The following XKR4 variants were observed in gnomAD, a reference collection of about 807,000 sequenced individuals.
XKR4 encodes the protein XK-related protein 4.
A neutral mutation model predicts 53.9 loss-of-function variants in XKR4; 12 were observed. The observed-to-expected ratio is 0.22, with a 90% CI of 0.14 to 0.36. The LOEUF (loss-of-function observed/expected upper bound fraction) is 0.36. Among genes scored for constraint, XKR4 ranks in the 10% least tolerant of loss-of-function variants. The pLI is 1.00. For synonymous variants in XKR4, 354 were observed against 362.4 expected, an observed-to-expected ratio of 0.98 and a Z score of 0.26; for missense variants, 799 against 859.5, an observed-to-expected ratio of 0.93 and a Z score of 0.88.
intron 1 of XKR4, among the ~76,000 whole-genome samples, chr8:55,289,856 GAAA>G (rs1818991613): frequency 8.2e-5 from 1 of 12,200 alleles, no homozygotes; most frequent in African/African-American, 1.0e-4. Context: ...AAGAAGGAAA[GAAA>G]GAAAGAAAGA....
At chr8:55,160,803 C>G (rs1816973642) in intron 1 of XKR4, among the ~76,000 whole-genome samples, 1 of 152,150 alleles carries the variant, frequency 6.6e-6, no homozygotes, top group Admixed American at 6.5e-5. Context: ...TGTTACATTT[C>G]TCTATTTCTA....
At position 55,526,978 on chromosome 8, in the gene XKR4, G is replaced by A. The variant is rs991188022; in HGVS notation, c.*2751G>A. 7.2e-5 allele frequency: 11 copies of A among 152,142 alleles called. No homozygotes were observed. Among genetic ancestry groups the A allele is most frequent in the African/African-American group, 2.7e-4 (11 of 41,436 alleles). The allele number at this position is 152,142 out of a possible 1,614,324, so 9.4% of individuals were successfully genotyped here. A position where few individuals can be genotyped will look rare whatever the true frequency, so the allele number is the denominator to read the frequency against. ...ATGTTTTAATTAGGCATGAATTCTT[G>A]TTAAGGAAAGAACATATCCATGATG... On this transcript the variant is annotated 3_prime_UTR_variant, in exon 3 of 3. Coordinates refer to ENST00000327381, the MANE Select transcript of XKR4 (RefSeq NM_052898.2).
chr8:55,314,460 C>T (rs1179995435), intron 1 of XKR4, among the ~76,000 whole-genome samples: 1 of 152,116 alleles, frequency 6.6e-6, no homozygotes. Flanking sequence ...GGAGAGGCCA[C>T]CATTTGTCCC....
At chr8:55,247,790 A>G (rs1041489650) in intron 1 of XKR4, among the ~76,000 whole-genome samples, 11 of 150,442 alleles carry the variant, frequency 7.3e-5, no homozygotes, top group Non-Finnish European at 1.5e-4. Context: ...CTACTCTTTC[A>G]GTAACCAGTA....
chr8:55,492,814 G>A (rs1806290532), intron 2 of XKR4, among the ~76,000 whole-genome samples: 1 of 152,198 alleles, frequency 6.6e-6, no homozygotes, highest in Admixed American at 6.5e-5. Flanking sequence ...GTGATTTACA[G>A]ATGATGTATT....
At chr8:55,370,035 G>A (rs1322787344) in intron 2 of XKR4, among the ~76,000 whole-genome samples, 2 of 152,086 alleles carry the variant, frequency 1.3e-5, no homozygotes, top group African/African-American at 4.8e-5. Context: ...ACTCCAGTCT[G>A]GGTGAAAGAG....
intron 1 of XKR4, among the ~76,000 whole-genome samples, chr8:55,263,752 A>T (rs1426961680): frequency 6.6e-6 from 1 of 152,226 alleles, no homozygotes; most frequent in East Asian, 1.9e-4. Flanking sequence ...GAGTCATTTA[A>T]CATAGGGTCA....
At chr8:55,453,126 G>T in intron 2 of XKR4, 1 of 532,218 alleles carries the variant, frequency 1.9e-6, no homozygotes, top group Admixed American at 2.1e-5. Context: ...TGTCCCAGTA[G>T]AACACGGCCT....
intron 1 of XKR4, among the ~76,000 whole-genome samples, chr8:55,133,940 A>G (rs1345059417): frequency 6.6e-6 from 1 of 152,208 alleles, no homozygotes; most frequent in Non-Finnish European, 1.5e-5. Context: ...AGAAGTGAAA[A>G]CGTCCATAAC....
rs187750131 is a variant in XKR4 at position 55,519,511 on chromosome 8, T to C, written c.1007-3770T>C. Among the ~76,000 whole-genome samples the C allele has an allele frequency of 3.1e-3, 472 of 152,292 alleles. 4 individuals are homozygous for C. Among genetic ancestry groups the C allele is most frequent in the African/African-American group, 0.011 (442 of 41,560 alleles). On this transcript the variant is annotated intron_variant, in intron 2 of 2. Transcript: ENST00000327381. Reference sequence around the variant, plus strand: ...CTTTTTTTCTTATTTTCAAGTACTATACTCTTCAAACAATGTCAGTGTCAT... The same window carrying C: ...CTTTTTTTCTTATTTTCAAGTACTACACTCTTCAAACAATGTCAGTGTCAT...
intron 1 of XKR4, among the ~76,000 whole-genome samples, chr8:55,205,312 A>C (rs1283942729): frequency 2.0e-5 from 3 of 152,210 alleles, no homozygotes; most frequent in African/African-American, 7.2e-5. Context: ...TTTTGTACTT[A>C]AACTATTTGA....
intron 2 of XKR4, among the ~76,000 whole-genome samples, chr8:55,427,909 G>A (rs964299981): frequency 6.6e-6 from 1 of 152,178 alleles, no homozygotes; most frequent in Non-Finnish European, 1.5e-5. Flanking sequence ...CTGCAGATGA[G>A]CTCATTGAGA....
chr8:55,386,372 C>T (rs1804315703), intron 2 of XKR4, among the ~76,000 whole-genome samples: 2 of 152,198 alleles, frequency 1.3e-5, no homozygotes, highest in South Asian at 4.1e-4. Flanking sequence ...TGGCTGCTTG[C>T]TTCCAGTAGT....
chr8:55,386,117 T>C (rs1053394653), intron 2 of XKR4, among the ~76,000 whole-genome samples: 6 of 152,186 alleles, frequency 3.9e-5, no homozygotes, highest in Non-Finnish European at 8.8e-5. Context: ...ATCCATTTTG[T>C]AGGACGAGGA....
chr8:55,272,016 A>G (rs577550497), intron 1 of XKR4, among the ~76,000 whole-genome samples: 2 of 152,326 alleles, frequency 1.3e-5, no homozygotes, highest in Admixed American at 6.5e-5. Flanking sequence ...GTCTCTCAAG[A>G]CAATAATGTG....
At chr8:55,251,445 G>A (rs1215116055) in intron 1 of XKR4, among the ~76,000 whole-genome samples, 1 of 152,136 alleles carries the variant, frequency 6.6e-6, no homozygotes, top group Non-Finnish European at 1.5e-5. Context: ...ATAAAATTTT[G>A]TCTGCTGCCA....
chr8:55,169,093 G>A (rs1355023268), intron 1 of XKR4, among the ~76,000 whole-genome samples: 1 of 152,176 alleles, frequency 6.6e-6, no homozygotes, highest in African/African-American at 2.4e-5. Context: ...TTCTGAAAGG[G>A]TAAGCAATCA....
chr8:55,335,641 T>G (rs1803449407), intron 1 of XKR4, among the ~76,000 whole-genome samples: 1 of 152,202 alleles, frequency 6.6e-6, no homozygotes, highest in Admixed American at 6.6e-5. Context: ...TGTAGCAGTA[T>G]ATTCATAATT....
intron 2 of XKR4, among the ~76,000 whole-genome samples, chr8:55,403,408 G>T (rs1002807159): frequency 4.6e-5 from 7 of 152,326 alleles, no homozygotes; most frequent in Admixed American, 3.3e-4. Context: ...TAAGATAAGT[G>T]AATTGGAAGT....
Sources: gnomAD v4.1 joint callset for allele counts (sites outside exome capture counted in the v4.1 genomes callset) on GRCh38, gnomAD v4.1.1 for gene constraint, MANE v1.5 for transcripts, NCBI Gene and HGNC (gene_info 2026-07-23, HGNC 2026-07-21) for gene names.